Variants in TLN2 observed in about 807,000 individuals in gnomAD.
TLN2 encodes talin-2.
TLN2 carries 118 observed loss-of-function variants against 294.7 expected under a neutral mutation model. That is an observed-to-expected ratio of 0.40 (90% CI 0.34 to 0.47). The LOEUF (loss-of-function observed/expected upper bound fraction) is 0.47. Among genes scored for constraint, TLN2 ranks in the 20% least tolerant of loss-of-function variants. TLN2 has a pLI of 0.84. For synonymous variants in TLN2, 1,431 were observed against 1,304.5 expected, an observed-to-expected ratio of 1.10 and a Z score of -2.09; for missense variants, 3,083 against 3,282.2, an observed-to-expected ratio of 0.94 and a Z score of 1.48.
intron 1 of TLN2, among the ~76,000 whole-genome samples, chr15:62,538,182 C>T (rs1369115966): frequency 6.6e-6 from 1 of 152,104 alleles, no homozygotes; most frequent in African/African-American, 2.4e-5. Flanking sequence ...GATTGCGCCA[C>T]TGCACTCCAG....
chr15:62,634,062 T>G (rs2050159338), intron 3 of TLN2, among the ~76,000 whole-genome samples: 1 of 152,216 alleles, frequency 6.6e-6, no homozygotes, highest in African/African-American at 2.4e-5. Flanking sequence ...TTAACCTGAT[T>G]GCCTCTGTAA....
At chr15:62,822,005 T>C (rs755723279) in intron 54 of TLN2, among the ~76,000 whole-genome samples, 1 of 152,208 alleles carries the variant, frequency 6.6e-6, no homozygotes, top group Non-Finnish European at 1.5e-5. Context: ...GCCGAAGCCA[T>C]GTCAGTTGAC....
At chr15:62,565,940 G>T (rs2043357284) in intron 1 of TLN2, among the ~76,000 whole-genome samples, 1 of 144,586 alleles carries the variant, frequency 6.9e-6, no homozygotes, top group South Asian at 2.2e-4. Flanking sequence ...GTGTGTGTGT[G>T]TTTTACCTCT....
intron 1 of TLN2, among the ~76,000 whole-genome samples, chr15:62,535,490 AC>A (rs1555424927): frequency 6.8e-6 from 1 of 147,812 alleles, no homozygotes; most frequent in African/African-American, 2.5e-5. Context: ...ACACACACAC[AC>A]CCCTCTCTCT....
chr15:62,839,132 T>G (rs915102171), intron 58 of TLN2, 151 bp downstream of exon 58: 2 of 1,194,034 alleles, frequency 1.7e-6, no homozygotes, highest in Admixed American at 5.1e-5. Context: ...GAGAGCCAGA[T>G]CCATCTGCCT....
At chr15:62,840,397 C>T in intron 58 of TLN2, 85 bp from the exon 59 acceptor site, 2 of 1,550,406 alleles carry the variant, frequency 1.3e-6, no homozygotes, top group South Asian at 1.2e-5. Context: ...GTCGCGGGAG[C>T]CGTGGAGCTC....
chr15:62,793,576 C>T (rs2065233796), intron 46 of TLN2, among the ~76,000 whole-genome samples: 1 of 152,148 alleles, frequency 6.6e-6, no homozygotes, highest in Non-Finnish European at 1.5e-5. Context: ...TCTAACTTTC[C>T]TCCAAACTTC....
intron 1 of TLN2, among the ~76,000 whole-genome samples, chr15:62,504,741 T>A (rs542033969): frequency 6.6e-6 from 1 of 152,194 alleles, no homozygotes; most frequent in South Asian, 2.1e-4. Context: ...TTTATTGTTG[T>A]CAGTGCAAGG....
chr15:62,695,088 C>T (rs1161561053), intron 14 of TLN2, among the ~76,000 whole-genome samples: 1 of 152,156 alleles, frequency 6.6e-6, no homozygotes, highest in Non-Finnish European at 1.5e-5. Context: ...GTTTTAAATT[C>T]ATGGTATTCT....
At chr15:62,518,362 G>A (rs2040288753) in intron 1 of TLN2, among the ~76,000 whole-genome samples, 1 of 152,076 alleles carries the variant, frequency 6.6e-6, no homozygotes, top group Non-Finnish European at 1.5e-5. Flanking sequence ...TGTGTCGGAG[G>A]CAGGAAGGAG....
chr15:62,533,689 A>G (rs2041178696), intron 1 of TLN2, among the ~76,000 whole-genome samples: 1 of 152,146 alleles, frequency 6.6e-6, no homozygotes, highest in Non-Finnish European at 1.5e-5. Flanking sequence ...TTGAATTATG[A>G]TGGCAGGTAT....
intron 1 of TLN2, among the ~76,000 whole-genome samples, chr15:62,504,281 A>G (rs2039464666): frequency 6.6e-6 from 1 of 152,234 alleles, no homozygotes; most frequent in Non-Finnish European, 1.5e-5. Context: ...CTCATTCAGA[A>G]TCCCAGAAGG....
rs760629497 is a variant in TLN2 at position 62,694,321 on chromosome 15, A to C, written c.1221A>C (p.Gln407His). 2 of 1,614,092 alleles carry C rather than the reference A, an allele frequency of 1.2e-6. No individual in the cohort carries two copies. The highest frequency in any genetic ancestry group is 1.7e-6 in the Non-Finnish European group (2 of 1,179,966). The change falls in exon 14 of 59, where the codon CAA becomes CAC. Residue 407 changes from glutamine (Q) to histidine (H), a missense_variant. Gln to His is a conservative substitution (Grantham distance 24). Coordinates refer to ENST00000636159, the MANE Select transcript of TLN2 (RefSeq NM_015059.3). ...TTGTTTTATTGCATTTCCAGAAACA[A>C]AGTAAAGATCGATTTGGACTAGAAG... ...GYIDIILKKK[Q>H]SKDRFGLEGD...
intron 1 of TLN2, among the ~76,000 whole-genome samples, chr15:62,433,850 G>A (rs567640287): frequency 3.9e-5 from 6 of 152,088 alleles, no homozygotes; most frequent in African/African-American, 1.2e-4. Context: ...TTAGCCAGGA[G>A]TGATGGCAGG....
At chr15:62,595,431 A>G (rs1037027068) in intron 2 of TLN2, among the ~76,000 whole-genome samples, 2 of 150,998 alleles carry the variant, frequency 1.3e-5, no homozygotes, top group African/African-American at 2.4e-5. Flanking sequence ...AAAAAAAAAA[A>G]GGATGAAAGA....
At chr15:62,750,731 T>A (rs1004571886) in intron 34 of TLN2, among the ~76,000 whole-genome samples, 4 of 152,234 alleles carry the variant, frequency 2.6e-5, no homozygotes, top group Admixed American at 2.0e-4. Context: ...TCAGTAGGTC[T>A]GAGAGGAAGC....
intron 57 of TLN2, among the ~76,000 whole-genome samples, chr15:62,836,682 C>A (rs1413618555): frequency 1.4e-5 from 2 of 140,662 alleles, no homozygotes; most frequent in Non-Finnish European, 3.1e-5. Context: ...AGAGCAGATA[C>A]ATTTTCCTGA....
In TLN2 at chr15:62,577,398, C is replaced by T. The variant is rs978196460; in HGVS notation, c.-237-12289C>T. 5.3e-5 allele frequency among the ~76,000 whole-genome samples: 8 copies of T among 152,282 alleles called. No individual in the cohort carries two copies. In the South Asian group the frequency reaches 8.3e-4, roughly 16 times the overall value. On this transcript the variant is annotated intron_variant, in intron 1 of 58. Coordinates refer to ENST00000636159, the MANE Select transcript of TLN2 (RefSeq NM_015059.3). The stretch of plus-strand genomic sequence containing the variant: ...GGCGGAGGTTGTGGTGAGCCGAGAT[C>T]GCGTCATTGCACTCCAGCCTGGGCA...
At chr15:62,481,952 A>C (rs908360218) in intron 1 of TLN2, among the ~76,000 whole-genome samples, 1 of 151,468 alleles carries the variant, frequency 6.6e-6, no homozygotes, top group Non-Finnish European at 1.5e-5. Flanking sequence ...GCCTGCCACC[A>C]TGCCTGGCTA....
Sources: gnomAD v4.1 joint callset for allele counts (sites outside exome capture counted in the v4.1 genomes callset) on GRCh38, gnomAD v4.1.1 for gene constraint, MANE v1.5 for transcripts, NCBI Gene and HGNC (gene_info 2026-07-23, HGNC 2026-07-21) for gene names.